MTUS2: variants seen among roughly 807,000 people sequenced by gnomAD.
The protein encoded by MTUS2 is microtubule associated scaffold protein 2, also known as microtubule-associated tumor suppressor candidate 2.
A neutral mutation model predicts 114.1 loss-of-function variants in MTUS2; 40 were observed. That is an observed-to-expected ratio of 0.35 (90% CI 0.27 to 0.46). The LOEUF (loss-of-function observed/expected upper bound fraction) is 0.46. Ranked by LOEUF, MTUS2 falls within the 20% of genes least tolerant of loss-of-function variation. The probability of loss-of-function intolerance (pLI) is 1.00; values close to 1 mark genes in which losing one functional copy is unlikely to be tolerated. For synonymous variants in MTUS2, 688 were observed against 672.0 expected (o/e 1.02, Z -0.37); for missense variants, 1,679 against 1,705.4 (o/e 0.98, Z 0.27).
chr13:28,858,990 G>A (rs1328273023), intron 2 of MTUS2, among the ~76,000 whole-genome samples: 2 of 152,212 alleles, frequency 1.3e-5, no homozygotes, highest in Non-Finnish European at 2.9e-5. Context: ...AATAAGTTGG[G>A]TAACCCAGGA....
At chr13:29,208,365 T>A (rs141571279) in intron 5 of MTUS2, among the ~76,000 whole-genome samples, 2,108 of 152,208 alleles carry the variant, frequency 0.014, 40 homozygotes, top group African/African-American at 0.048. Context: ...ATTTTGTTTA[T>A]CTTTTCAAAG....
chr13:29,055,113 A>T (rs1452556792), intron 4 of MTUS2, among the ~76,000 whole-genome samples: 1 of 152,068 alleles, frequency 6.6e-6, no homozygotes, highest in Non-Finnish European at 1.5e-5. Flanking sequence ...TTGTTCTATC[A>T]GTTACTTACA....
At chr13:28,863,322 T>C (rs1345981229) in intron 2 of MTUS2, among the ~76,000 whole-genome samples, 2 of 152,252 alleles carry the variant, frequency 1.3e-5, no homozygotes, top group Non-Finnish European at 2.9e-5. Flanking sequence ...GACGCTTTTC[T>C]GTTTCAAACC....
chr13:29,383,232 G>GTATATATATA (rs1872355962), intron 8 of MTUS2, among the ~76,000 whole-genome samples: 1 of 25,064 alleles, frequency 4.0e-5, no homozygotes, highest in African/African-American at 8.0e-5. Flanking sequence ...GTGTGTGTGT[G>GTATATATATA]TGTGTGTGTG....
intron 4 of MTUS2, among the ~76,000 whole-genome samples, chr13:29,062,094 C>T (rs929360343): frequency 2.6e-5 from 4 of 152,182 alleles, no homozygotes; most frequent in South Asian, 4.1e-4. Context: ...AAGCAATTCT[C>T]GTGCCTCAGC....
chr13:29,320,309 A>G (rs1900200692), intron 6 of MTUS2, among the ~76,000 whole-genome samples: 1 of 152,214 alleles, frequency 6.6e-6, no homozygotes, highest in South Asian at 2.1e-4. Flanking sequence ...TGGAGAGTCT[A>G]GAAGGCACCA....
intron 2 of MTUS2, among the ~76,000 whole-genome samples, chr13:28,917,464 G>A (rs1880807454): frequency 6.6e-6 from 1 of 151,570 alleles, no homozygotes; most frequent in Admixed American, 6.6e-5. Flanking sequence ...TTTGGGATTT[G>A]GATTTCTTCA....
chr13:29,459,714 AAATC>A (rs764361325), intron 9 of MTUS2, among the ~76,000 whole-genome samples: 9 of 152,214 alleles, frequency 5.9e-5, no homozygotes, highest in Non-Finnish European at 1.2e-4. Context: ...CAAAAAATAA[AAATC>A]AAACCACTAT....
intron 5 of MTUS2, among the ~76,000 whole-genome samples, chr13:29,234,369 A>G (rs1358139607): frequency 6.6e-6 from 1 of 152,122 alleles, no homozygotes; most frequent in Non-Finnish European, 1.5e-5. Context: ...ATAATTTTGT[A>G]AGAGATTATC....
At chr13:29,016,888 G>A (rs1271985329) in intron 2 of MTUS2, among the ~76,000 whole-genome samples, 1 of 152,180 alleles carries the variant, frequency 6.6e-6, no homozygotes, top group Non-Finnish European at 1.5e-5. Context: ...GAATAATTCA[G>A]TTTTTAACCA....
At chr13:28,908,282 C>G (rs1417998268) in intron 2 of MTUS2, among the ~76,000 whole-genome samples, 1 of 151,480 alleles carries the variant, frequency 6.6e-6, no homozygotes, top group Admixed American at 6.6e-5. Flanking sequence ...CAAACGCTAT[C>G]CCTTCCACCT....
At chr13:29,305,763 G>A (rs980837181) in intron 6 of MTUS2, among the ~76,000 whole-genome samples, 2 of 152,120 alleles carry the variant, frequency 1.3e-5, no homozygotes, top group Admixed American at 6.6e-5. Context: ...TTGAAGAGGA[G>A]GGACTCCTTC....
chr13:28,850,860 T>C (rs1308282635), intron 2 of MTUS2, among the ~76,000 whole-genome samples: 1 of 152,202 alleles, frequency 6.6e-6, no homozygotes, highest in Non-Finnish European at 1.5e-5. Context: ...TATGAGATCA[T>C]TGGGTAGAGA....
chr13:29,031,162 T>C (rs988765707), intron 3 of MTUS2, among the ~76,000 whole-genome samples: 3 of 151,278 alleles, frequency 2.0e-5, no homozygotes, highest in Non-Finnish European at 4.4e-5. Context: ...CTGCTCTCCT[T>C]CCTCACTGTC....
intron 8 of MTUS2, among the ~76,000 whole-genome samples, chr13:29,434,029 A>G (rs185992895): frequency 1.8e-4 from 28 of 152,308 alleles, no homozygotes; most frequent in Non-Finnish European, 1.5e-4. Flanking sequence ...CCTGATCCAC[A>G]CGGATTTCAG....
intron 1 of MTUS2, among the ~76,000 whole-genome samples, chr13:28,820,821 T>C (rs1328781848): frequency 6.6e-6 from 1 of 152,182 alleles, no homozygotes; most frequent in African/African-American, 2.4e-5. Context: ...TTTTGGCACC[T>C]TCGCTTGCTG....
intron 2 of MTUS2, among the ~76,000 whole-genome samples, chr13:28,988,363 G>T (rs1488772044): frequency 6.6e-6 from 1 of 152,202 alleles, no homozygotes; most frequent in African/African-American, 2.4e-5. Flanking sequence ...TCATGTCTTT[G>T]TGCTTCTGAA....
At position 28,961,515 on chromosome 13, in the gene MTUS2, A is replaced by G. The variant is rs150449285; in HGVS notation, c.-242-62942A>G. Among the ~76,000 whole-genome samples, 33 of 152,276 alleles carry G rather than the reference A, an allele frequency of 2.2e-4. No homozygotes were observed. The East Asian group carries it at 5.2e-3, about 24-fold the overall frequency. On this transcript the variant is annotated intron_variant, in intron 2 of 15. Coordinates refer to ENST00000612955, the MANE Select transcript of MTUS2 (RefSeq NM_001033602.4). ...GTACTCCGTTATAATTACTTCCATC[A>G]ACTCTTCCTTCCCACCATTTGGCTA...
intron 9 of MTUS2, among the ~76,000 whole-genome samples, chr13:29,443,685 C>T (rs924454015): frequency 1.3e-5 from 2 of 152,196 alleles, no homozygotes; most frequent in Non-Finnish European, 2.9e-5. Context: ...AACCGTAAAG[C>T]GCATAAGCTC....
Sources: allele counts gnomAD v4.1 joint callset (sites outside exome capture counted in the v4.1 genomes callset), GRCh38; gene constraint gnomAD v4.1.1; transcripts MANE v1.5; gene names NCBI Gene and HGNC (gene_info 2026-07-23, HGNC 2026-07-21).